The following SUPV3L1 variants were observed in gnomAD, a reference collection of about 807,000 sequenced individuals.
SUPV3L1 encodes the protein Suv3 like RNA helicase, also known as ATP-dependent RNA helicase SUPV3L1, mitochondrial.
Under a neutral mutation model 70.0 loss-of-function variants are expected in SUPV3L1, and 35 were observed. The ratio of observed to expected loss-of-function variants is 0.50; its 90% confidence interval spans 0.38 to 0.66. The LOEUF (loss-of-function observed/expected upper bound fraction) is 0.66. Among genes scored for constraint, SUPV3L1 ranks in the 30% least tolerant of loss-of-function variants. The probability of loss-of-function intolerance (pLI) is 0.00; values close to 1 mark genes in which losing one functional copy is unlikely to be tolerated. For synonymous variants in SUPV3L1, 364 were observed against 341.9 expected, an observed-to-expected ratio of 1.06 and a Z score of -0.71; for missense variants, 777 against 961.5, an observed-to-expected ratio of 0.81 and a Z score of 2.54.
At chr10:69,191,312 C>A (rs562849211) in intron 5 of SUPV3L1, among the ~76,000 whole-genome samples, 1 of 150,380 alleles carries the variant, frequency 6.6e-6, no homozygotes, top group East Asian at 2.0e-4. Flanking sequence ...CTCACTGAAC[C>A]TCCATCTCTC....
rs1842819596 is a variant in SUPV3L1 at position 69,206,014 on chromosome 10, ATGG to A, written c.1777-1778_1777-1776del. 3.0e-4 allele frequency among the ~76,000 whole-genome samples: 4 copies of A among 13,190 alleles called. No individual in the cohort carries two copies. The Non-Finnish European group carries it at 4.6e-3, about 15-fold the overall frequency. The allele number at this position is 13,190 out of a possible 152,430, so 8.7% of individuals were successfully genotyped here. A position where few individuals can be genotyped will look rare whatever the true frequency, so the allele number is the denominator to read the frequency against. ...GAGCTCCTTTAGGGCCAGCTGCTGG[ATGG>A]ATGGATGGATGGATGGATGGATGGG... On this transcript the variant is annotated intron_variant, in intron 13 of 14. Coordinates refer to ENST00000359655, the MANE Select transcript of SUPV3L1 (RefSeq NM_003171.5).
Position 69,202,446 on chromosome 10 carries a change from G to T in SUPV3L1, c.1526G>T (p.Gly509Val). ...KRPVDPIRAA[G>V]LHPTAEQIEM... is the part of the protein sequence containing the mutation. ...TTTTTCTTTTACTAAAAGGCAGCTG[G>T]TCTTCATCCAACTGCTGAGCAGATT... The change falls in exon 12 of 15, where the codon GGT (glycine) becomes GTT (valine). Residue 509 changes from glycine to valine, a missense_variant. This residue lies in a region of SUPV3L1 where 619 missense variants were observed against 823.3 expected (regional missense o/e 0.75). Coordinates refer to ENST00000359655, the MANE Select transcript of SUPV3L1 (RefSeq NM_003171.5). 6.2e-7 allele frequency: 1 copy of T among 1,609,572 alleles called. No homozygotes were observed. The highest frequency in any genetic ancestry group is 8.5e-7 in the Non-Finnish European group (1 of 1,177,740).
At chr10:69,207,966 C>T (rs1225201108) in intron 14 of SUPV3L1, 25 bp downstream of exon 14, 1 of 1,603,960 alleles carries the variant, frequency 6.2e-7, no homozygotes, top group Non-Finnish European at 8.5e-7. Context: ...CCTTTATGTG[C>T]TCTCATTTTT....
chr10:69,202,355 C>CT, intron 11 of SUPV3L1, 84 bp from the exon 12 acceptor site: 4 of 1,202,618 alleles, frequency 3.3e-6, no homozygotes, highest in Non-Finnish European at 4.7e-6. Context: ...CTGAATGGGA[C>CT]TTTATCGTGC....
chr10:69,180,458 C>T lies in SUPV3L1; in HGVS notation c.167C>T (p.Ser56Phe), dbSNP rs776281083. Residue 56 changes from serine to phenylalanine, a missense_variant, in exon 1 of 15, where the codon TCC (serine) becomes TTC (phenylalanine). Physicochemically the swap from Ser to Phe is radical, Grantham distance 155. Around this residue, in one of 2 missense-constraint regions of SUPV3L1, gnomAD observed 158 missense variants for 138.3 expected, o/e 1.14. Coordinates refer to ENST00000359655, the MANE Select transcript of SUPV3L1 (RefSeq NM_003171.5). ...GCCTCCTCCTCTGCCTCCGGTGGCT[C>T]CAAAATACCAAACACGTCCTTGTTC... ...ATASSSASGG[S>F]KIPNTSLFVP... 1.2e-6 allele frequency: 2 copies of T among 1,614,232 alleles called. No individual in the cohort carries two copies.
intron 9 of SUPV3L1, 43 bp from the exon 10 acceptor site, chr10:69,199,061 A>G (rs1029083579): frequency 3.4e-6 from 5 of 1,489,338 alleles, no homozygotes; most frequent in Non-Finnish European, 4.6e-6. Flanking sequence ...GATGTAATAA[A>G]AGACTGAGAA....
In SUPV3L1 at chr10:69,202,595, A is replaced by G. The variant is rs1842713856; in HGVS notation, c.1599+76A>G. On this transcript the variant is annotated intron_variant, in intron 12 of 14. Transcript: ENST00000359655. ...GTGATTACTGGTTAACCTCATGAGC[A>G]TGAATGGATAGTCTGCCTTTGAGAA... 7 of 1,345,330 alleles carry G rather than the reference A, an allele frequency of 5.2e-6. No individual in the cohort carries two copies. The South Asian group carries it at 7.7e-5, about 15-fold the overall frequency. 83.3% of individuals were successfully genotyped at this position (1,345,330 alleles called of 1,614,324 possible). A position where few individuals can be genotyped will look rare whatever the true frequency, so the allele number is the denominator to read the frequency against.
chr10:69,200,272 T>C lies in SUPV3L1; in HGVS notation c.1299-8T>C. The stretch of plus-strand genomic sequence containing the variant: ...CAGTCTGCAGGATCACTTTTATTTC[T>C]GTTTCAGGAGCATAAGGAGAATTAT... On this transcript the variant is annotated splice_polypyrimidine_tract_variant and splice_region_variant and intron_variant, in intron 10 of 14. Coordinates refer to ENST00000359655, the MANE Select transcript of SUPV3L1 (RefSeq NM_003171.5). The C allele has an allele frequency of 6.2e-7, 1 of 1,610,328 alleles. No homozygotes were observed. The highest frequency in any genetic ancestry group is 8.5e-7 in the Non-Finnish European group (1 of 1,177,570).
In SUPV3L1 at chr10:69,207,895, G is replaced by A. The variant is rs1219068992; in HGVS notation, c.1879G>A (p.Asp627Asn). Residue 627 changes from aspartate to asparagine, a missense_variant, in exon 14 of 15, where the codon GAT becomes AAT. Physicochemically the swap from Asp to Asn is conservative, Grantham distance 23. Coordinates refer to ENST00000359655, the MANE Select transcript of SUPV3L1 (RefSeq NM_003171.5). ...ACCTAAGAATATTAAAGACCTCATG[G>A]ATCTTGAAGCTGTCCACGATGTCTT... The part of the protein sequence containing the change: ...LPPKNIKDLM[D>N]LEAVHDVLDL... 29 of 1,614,008 alleles carry A rather than the reference G, an allele frequency of 1.8e-5. No individual in the cohort carries two copies. The highest frequency in any genetic ancestry group is 3.3e-5 in the Admixed American group (2 of 59,992).
At chr10:69,183,481 C>T (rs776183124) in intron 1 of SUPV3L1, among the ~76,000 whole-genome samples, 3 of 152,168 alleles carry the variant, frequency 2.0e-5, no homozygotes, top group East Asian at 3.9e-4. Context: ...GAGCTCAAGA[C>T]GAGCTTGGGC....
chr10:69,182,301 A>C (rs1469970377), intron 1 of SUPV3L1, among the ~76,000 whole-genome samples: 3 of 135,346 alleles, frequency 2.2e-5, no homozygotes, highest in Admixed American at 7.6e-5. Context: ...AGCCAGTCTT[A>C]ATTGTTTTTA....
At chr10:69,189,710 G>A (rs1050914615) in intron 5 of SUPV3L1, among the ~76,000 whole-genome samples, 4 of 148,152 alleles carry the variant, frequency 2.7e-5, no homozygotes, top group South Asian at 2.1e-4. Flanking sequence ...GCAGTGGTGC[G>A]ATCTTGGCTC....
chr10:69,190,555 C>T (rs1426755586), intron 5 of SUPV3L1, among the ~76,000 whole-genome samples: 1 of 151,078 alleles, frequency 6.6e-6, no homozygotes, highest in African/African-American at 2.5e-5. Context: ...TGAAGCAGGA[C>T]ATTTAATATT....
chr10:69,201,897 G>A (rs918734305), intron 11 of SUPV3L1, among the ~76,000 whole-genome samples: 2 of 144,326 alleles, frequency 1.4e-5, no homozygotes, highest in Admixed American at 1.5e-4. Context: ...CTGGAGTGCA[G>A]TGGCGCGATC....
Position 69,197,064 on chromosome 10 carries a change from C to T in SUPV3L1, c.1004C>T (p.Thr335Ile), listed in dbSNP as rs771340889. The T allele has an allele frequency of 3.7e-6, 6 of 1,613,906 alleles. No individual in the cohort carries two copies. Among genetic ancestry groups the T allele is most frequent in the Non-Finnish European group, 4.2e-6 (5 of 1,179,984 alleles). ...AIDLVMELMY[T>I]TGEEVEVRDY... ...GACCTGGTGATGGAGCTTATGTACA[C>T]AACGGGGGAGGAAGTGGAGGTATTC... is the stretch of plus-strand genomic sequence containing the variant. Residue 335 changes from threonine (T) to isoleucine (I), a missense_variant, in exon 8 of 15, where the codon ACA becomes ATA. Physicochemically the swap from Thr to Ile is moderately conservative, Grantham distance 89. Transcript: ENST00000359655.
intron 11 of SUPV3L1, 24 bp from the exon 12 acceptor site, chr10:69,202,415 G>T (rs376201560): frequency 6.3e-7 from 1 of 1,591,262 alleles, no homozygotes; most frequent in East Asian, 2.2e-5. Context: ...ATCAGCTTAT[G>T]ATTGTTTTTT....
intron 6 of SUPV3L1, 26 bp downstream of exon 6, chr10:69,191,792 A>G (rs1345595352): frequency 6.1e-6 from 9 of 1,482,532 alleles, no homozygotes; most frequent in Non-Finnish European, 8.3e-6. Context: ...TTAAGAAACT[A>G]TGGTTTGGTA....
chr10:69,187,530 T>A (rs1283655988), intron 3 of SUPV3L1, 112 bp from the exon 4 acceptor site: 9 of 676,750 alleles, frequency 1.3e-5, no homozygotes, highest in Non-Finnish European at 2.2e-5. Context: ...GACTTTTCTT[T>A]TTACCCTGGC....
At chr10:69,191,563 T>G in intron 5 of SUPV3L1, 92 bp from the exon 6 acceptor site, 2 of 1,021,428 alleles carry the variant, frequency 2.0e-6, no homozygotes, top group Non-Finnish European at 3.0e-6. Flanking sequence ...AACAAACTAA[T>G]TTGGTGGTAG....
Sources: gnomAD v4.1 joint callset for allele counts (sites outside exome capture counted in the v4.1 genomes callset) on GRCh38, gnomAD v4.1.1 for gene constraint, gnomAD v4.1.1 regional missense constraint, MANE v1.5 for transcripts, NCBI Gene and HGNC (gene_info 2026-07-23, HGNC 2026-07-21) for gene names.